The following NHS variants were observed in gnomAD, a reference collection of about 807,000 sequenced individuals.
NHS encodes NHS actin remodeling regulator.
In NHS, 5 loss-of-function variants were observed where a neutral mutation model predicts 72.5. The ratio of observed to expected loss-of-function variants is 0.07; its 90% CI spans 0.04 to 0.14. The LOEUF (loss-of-function observed/expected upper bound fraction) is 0.14. Ranked by LOEUF, NHS falls within the 10% of genes least tolerant of loss-of-function variation. NHS has a pLI of 1.00. For missense variants in NHS, 1,072 were observed against 1,355.7 expected, an observed-to-expected ratio of 0.79 and a Z score of 3.29; for synonymous variants, 464 against 547.7, an observed-to-expected ratio of 0.85 and a Z score of 2.13.
At chrX:17,525,642 T>C (rs776601115) in intron 1 of NHS, among the ~76,000 whole-genome samples, 21 of 101,360 alleles carry the variant, frequency 2.1e-4, no homozygotes, top group Middle Eastern at 4.9e-3. Flanking sequence ...TCTTTTCTTT[T>C]TTTTTTTTTT....
At chrX:17,629,970 A>T (rs1422050432) in intron 1 of NHS, among the ~76,000 whole-genome samples, 1 of 109,057 alleles carries the variant, frequency 9.2e-6, no homozygotes, top group Non-Finnish European at 1.9e-5. Context: ...AAGGAAGTTC[A>T]GTTGCCTGCA....
intron 1 of NHS, among the ~76,000 whole-genome samples, chrX:17,538,274 G>C (rs772584587): frequency 3.6e-5 from 4 of 112,099 alleles, no homozygotes; most frequent in East Asian, 5.6e-4. Context: ...GACTCTGTCA[G>C]TGTCTTAGGT....
At chrX:17,568,808 G>C (rs755293896) in intron 1 of NHS, among the ~76,000 whole-genome samples, 1 of 108,545 alleles carries the variant, frequency 9.2e-6, no homozygotes, top group African/African-American at 3.4e-5. Flanking sequence ...TGATGTTATC[G>C]CTCCCCTAGC....
At chrX:17,603,707 C>G (rs1821637641) in intron 1 of NHS, among the ~76,000 whole-genome samples, 2 of 112,143 alleles carry the variant, frequency 1.8e-5, no homozygotes, top group Admixed American at 1.9e-4. Flanking sequence ...CACCGTGGCT[C>G]AACACCACCT....
chrX:17,383,628 C>G (rs906797834), intron 1 of NHS, among the ~76,000 whole-genome samples: 2 of 111,999 alleles, frequency 1.8e-5, no homozygotes, highest in African/African-American at 6.5e-5. Flanking sequence ...GTTTAAACAA[C>G]CAGCTCTCAA....
rs749334504 is a variant in NHS at position 17,588,362 on chromosome X, G to C, written c.566-99380G>C. On this transcript the variant is annotated intron_variant, in intron 1 of 8. Transcript: ENST00000676302. Reference sequence around the variant, plus strand: ...ATCAGCAGCTCAAGACTATGGAAGGGATTAAAAAATTTTGTTGGCCAGTTG... The same window carrying C: ...ATCAGCAGCTCAAGACTATGGAAGGCATTAAAAAATTTTGTTGGCCAGTTG... Among the ~76,000 whole-genome samples, 4 of 111,767 alleles carry C rather than the reference G, an allele frequency of 3.6e-5. No individual in the cohort carries two copies. In the South Asian group the frequency reaches 1.5e-3, roughly 42 times the overall value.
intron 1 of NHS, among the ~76,000 whole-genome samples, chrX:17,671,809 G>A (rs752724055): frequency 2.0e-4 from 22 of 111,950 alleles, no homozygotes; most frequent in Non-Finnish European, 3.8e-4. Context: ...CAAACTAAAA[G>A]AGGAAAAGAT....
At chrX:17,443,356 A>G (rs2064765024) in intron 1 of NHS, among the ~76,000 whole-genome samples, 1 of 111,601 alleles carries the variant, frequency 9.0e-6, no homozygotes, top group Non-Finnish European at 1.9e-5. Context: ...TAAACATGCT[A>G]TTCTCTGTTT....
intron 1 of NHS, among the ~76,000 whole-genome samples, chrX:17,566,241 C>T (rs5955926): frequency 0.023 from 2,596 of 110,984 alleles, 38 homozygotes; most frequent in Non-Finnish European, 0.037. Flanking sequence ...TCTCGGCCTC[C>T]CAAAGAGCTG....
At chrX:17,486,927 C>T (rs2064969789) in intron 1 of NHS, among the ~76,000 whole-genome samples, 1 of 111,189 alleles carries the variant, frequency 9.0e-6, no homozygotes, top group Non-Finnish European at 1.9e-5. Context: ...GGTTAAGCTC[C>T]ATTTTACAGG....
intron 1 of NHS, among the ~76,000 whole-genome samples, chrX:17,426,945 T>C (rs2146871432): frequency 9.0e-6 from 1 of 111,692 alleles, no homozygotes; most frequent in Admixed American, 9.5e-5. Flanking sequence ...ATTATTGACT[T>C]GTCTTTTAAT....
At chrX:17,667,396 C>T (rs889890575) in intron 1 of NHS, among the ~76,000 whole-genome samples, 5 of 111,597 alleles carry the variant, frequency 4.5e-5, no homozygotes, top group Non-Finnish European at 9.4e-5. Context: ...CTTTGGGAGG[C>T]ATCTGTGCTA....
intron 4 of NHS, among the ~76,000 whole-genome samples, chrX:17,720,472 T>TA (rs1314430861): frequency 1.8e-5 from 2 of 112,636 alleles, no homozygotes; most frequent in Non-Finnish European, 3.8e-5. Flanking sequence ...CCAAATTGTG[T>TA]AAAAAATAAA....
At chrX:17,589,934 G>C (rs144943014) in intron 1 of NHS, among the ~76,000 whole-genome samples, 2,509 of 111,840 alleles carry the variant, frequency 0.022, 66 homozygotes, top group African/African-American at 0.078. Flanking sequence ...CTGATCATCA[G>C]TGATGTTGAG....
intron 1 of NHS, among the ~76,000 whole-genome samples, chrX:17,391,638 G>A (rs989282527): frequency 2.7e-5 from 3 of 111,873 alleles, no homozygotes; most frequent in Non-Finnish European, 5.6e-5. Flanking sequence ...AATGGGAAGA[G>A]AAGAATGCTG....
chrX:17,572,477 G>GACT (rs1237427004), intron 1 of NHS, among the ~76,000 whole-genome samples: 14 of 95,520 alleles, frequency 1.5e-4, no homozygotes, highest in African/African-American at 6.0e-4. Flanking sequence ...CAGAGACCAG[G>GACT]ACTGCAACCC....
intron 1 of NHS, among the ~76,000 whole-genome samples, chrX:17,392,245 C>T (rs187856564): frequency 8.9e-6 from 1 of 111,973 alleles, no homozygotes; most frequent in Non-Finnish European, 1.9e-5. Context: ...GTAGGGCCAC[C>T]GTATGGAAAG....
chrX:17,702,996 C>T (rs776686884), intron 3 of NHS, among the ~76,000 whole-genome samples: 1 of 110,692 alleles, frequency 9.0e-6, no homozygotes, highest in South Asian at 3.9e-4. Flanking sequence ...GGGTCAGGCA[C>T]GGTGGCTCAT....
intron 1 of NHS, among the ~76,000 whole-genome samples, chrX:17,430,410 CTCCTTCCT>C (rs1169995304): frequency 8.5e-5 from 5 of 59,000 alleles, no homozygotes; most frequent in East Asian, 4.9e-4. Flanking sequence ...TCCTTTCTTT[CTCCTTCCT>C]TCCTTCCTTC....
Sources: allele counts gnomAD v4.1 joint callset (sites outside exome capture counted in the v4.1 genomes callset), GRCh38; gene constraint gnomAD v4.1.1; transcripts MANE v1.5; gene names NCBI Gene and HGNC (gene_info 2026-07-23, HGNC 2026-07-21).